TDRD7: variants seen among roughly 807,000 people sequenced by gnomAD.
The protein encoded by TDRD7 is tudor domain containing 7.
In TDRD7, 47 loss-of-function variants were observed where a neutral mutation model predicts 109.8. The observed-to-expected ratio is 0.43, with a 90% CI of 0.34 to 0.55. The LOEUF is 0.55. TDRD7 is among the 20% of genes least tolerant of loss of function. The pLI is 0.03. For synonymous variants in TDRD7, 424 were observed against 457.3 expected (o/e 0.93, Z 0.93); for missense variants, 1,164 against 1,319.2 (o/e 0.88, Z 1.82).
Position 97,428,521 on chromosome 9 carries a change from A to G in TDRD7, c.56A>G (p.Lys19Arg). 6.2e-7 allele frequency: 1 copy of G among 1,614,072 alleles called. No homozygotes were observed. ...KMLRAVLQSH[K>R]NGVALPRLQG... is the part of the protein sequence containing the mutation. ...CTACGAGCTGTTCTGCAGTCTCATA[A>G]GAATGGAGTAGCATTACCCCGGCTC... The change falls in exon 2 of 17, where the codon AAG (lysine) becomes AGG (arginine). Residue 19 changes from lysine (K) to arginine (R), a missense_variant. Physicochemically the swap from Lys to Arg is conservative, Grantham distance 26. This residue lies in a region of TDRD7 where 101 missense variants were observed against 148.5 expected (regional missense o/e 0.68). Coordinates refer to ENST00000355295, the MANE Select transcript of TDRD7 (RefSeq NM_014290.3).
intron 8 of TDRD7, among the ~76,000 whole-genome samples, chr9:97,465,839 C>T (rs1004454154): frequency 1.3e-5 from 2 of 151,852 alleles, no homozygotes; most frequent in African/African-American, 4.8e-5. Flanking sequence ...TTTTCTTTCT[C>T]GATTGTTAAG....
rs146350172 is a variant in TDRD7 at position 97,431,895 on chromosome 9, A to G, written c.350-130A>G. On this transcript the variant is annotated intron_variant, in intron 3 of 16. Coordinates refer to ENST00000355295, the MANE Select transcript of TDRD7 (RefSeq NM_014290.3). ...CCTGTTGACCAGCCCTCCAGTGGCA[A>G]CCTCCTCGTGTTCTTACAAACTGTT... 1,901 of 857,292 alleles carry G rather than the reference A, an allele frequency of 2.2e-3. 27 individuals carry two copies. The African/African-American group carries it at 0.027, about 12-fold the overall frequency. The allele number at this position is 857,292 out of a possible 1,614,324, so 53.1% of individuals were successfully genotyped here.
chr9:97,439,456 C>T, intron 5 of TDRD7, 138 bp downstream of exon 5: 1 of 732,006 alleles, frequency 1.4e-6, no homozygotes, highest in Non-Finnish European at 2.3e-6. Flanking sequence ...AATTGCTTTG[C>T]ATCATGAATC....
At chr9:97,454,923 A>G (rs1828577778) in intron 6 of TDRD7, among the ~76,000 whole-genome samples, 1 of 152,192 alleles carries the variant, frequency 6.6e-6, no homozygotes, top group African/African-American at 2.4e-5. Flanking sequence ...TTAACGAAAT[A>G]GACCTCTAGC....
Position 97,495,891 on chromosome 9 carries a change from C to T in TDRD7, c.*8C>T, listed in dbSNP as rs747612321. 3 of 1,608,794 alleles carry T rather than the reference C, an allele frequency of 1.9e-6. No individual in the cohort carries two copies. Among genetic ancestry groups the T allele is most frequent in the Admixed American group, 1.7e-5 (1 of 59,996 alleles). ...CTTTCAAAAGTTAATTAATGACTGC[C>T]TCTGAAACCTTGACAACTAATTCAG... is the stretch of plus-strand genomic sequence containing the variant. On this transcript the variant is annotated 3_prime_UTR_variant, in exon 17 of 17. Coordinates refer to ENST00000355295, the MANE Select transcript of TDRD7 (RefSeq NM_014290.3).
chr9:97,457,548 T>G (rs1040085391), intron 6 of TDRD7, among the ~76,000 whole-genome samples: 3 of 152,046 alleles, frequency 2.0e-5, no homozygotes, highest in Non-Finnish European at 4.4e-5. Context: ...CCAGCTAATA[T>G]TTTGCATTTT....
Position 97,475,386 on chromosome 9 carries a change from A to T in TDRD7, c.2083A>T (p.Met695Leu). Reference protein sequence around the residue: ...KIEDYFHCKHMTSECFVSLPF... With the variant: ...KIEDYFHCKHLTSECFVSLPF... ...ATCATGCATTTCTGTTTTGCAGCAC[A>T]TGACCTCTGAGTGCTTTGTTTCATT... The change falls in exon 12 of 17, where the codon ATG becomes TTG. Residue 695 changes from methionine (M) to leucine (L), a missense_variant. Transcript: ENST00000355295. The T allele has an allele frequency of 1.2e-6, 2 of 1,612,648 alleles. No homozygotes were observed. The highest frequency in any genetic ancestry group is 1.7e-6 in the Non-Finnish European group (2 of 1,178,804).
chr9:97,490,551 G>C (rs1364170692), intron 16 of TDRD7, among the ~76,000 whole-genome samples: 3 of 135,886 alleles, frequency 2.2e-5, no homozygotes, highest in South Asian at 2.6e-4. Flanking sequence ...TATTTTGGTG[G>C]GGGGGGGGGC....
At chr9:97,431,897 C>G in intron 3 of TDRD7, 128 bp from the exon 4 acceptor site, 3 of 872,414 alleles carry the variant, frequency 3.4e-6, no homozygotes, top group Non-Finnish European at 5.8e-6. Context: ...CAGTGGCAAC[C>G]TCCTCGTGTT....
rs780561949 is a variant in TDRD7 at position 97,431,022 on chromosome 9, T to C, written c.297T>C (p.Arg99=). The stretch of plus-strand genomic sequence containing the variant: ...GGAGTTCTAAAAGGAAAACCGGGCG[T>C]CAAGTTAATTGTCAGATGAGAGTGA... ...RQRSSKRKTG[R]QVNCQMRVKK... The change falls in exon 3 of 17, where the codon CGT becomes CGC. Residue 99 remains arginine (R), a synonymous_variant. Coordinates refer to ENST00000355295, the MANE Select transcript of TDRD7 (RefSeq NM_014290.3). The C allele has an allele frequency of 3.7e-6, 6 of 1,613,922 alleles. No homozygotes were observed. In the East Asian group the frequency reaches 1.3e-4, roughly 36 times the overall value.
chr9:97,428,529 G>A lies in TDRD7; in HGVS notation c.64G>A (p.Val22Ile), dbSNP rs771450131. 6.8e-6 allele frequency: 11 copies of A among 1,614,072 alleles called. No homozygotes were observed. The highest frequency in any genetic ancestry group is 1.7e-5 in the Admixed American group (1 of 60,000). ...TGTTCTGCAGTCTCATAAGAATGGAGTAGCATTACCCCGGCTCCAAGGAGA... is the reference window on the plus strand; with the variant it reads ...TGTTCTGCAGTCTCATAAGAATGGAATAGCATTACCCCGGCTCCAAGGAGA... ...RAVLQSHKNG[V>I]ALPRLQGEYR... The change falls in exon 2 of 17, where the codon GTA becomes ATA. Residue 22 changes from valine (V) to isoleucine (I), a missense_variant. Coordinates refer to ENST00000355295, the MANE Select transcript of TDRD7 (RefSeq NM_014290.3).
intron 16 of TDRD7, among the ~76,000 whole-genome samples, chr9:97,488,560 G>GTTTTTTTTTTTTTTTTTTTTTTTTTTTT (rs61689126): frequency 7.1e-6 from 1 of 140,592 alleles, no homozygotes. Flanking sequence ...AGATTTAATG[G>GTTTTTTTTTTTTTTTTTTTTTTTTTTTT]TTTTTTTTTT....
chr9:97,440,829 C>T (rs924704625), intron 5 of TDRD7, among the ~76,000 whole-genome samples: 2 of 152,100 alleles, frequency 1.3e-5, no homozygotes, highest in Non-Finnish European at 1.5e-5. Flanking sequence ...AGTGAAATTT[C>T]GTAGAGATTT....
chr9:97,474,234 A>G (rs1828972523), intron 11 of TDRD7, among the ~76,000 whole-genome samples: 1 of 152,068 alleles, frequency 6.6e-6, no homozygotes, highest in South Asian at 2.1e-4. Flanking sequence ...AGTTCCTAAA[A>G]TGGTTTCCTT....
At chr9:97,467,512 C>T (rs1828840584) in intron 8 of TDRD7, among the ~76,000 whole-genome samples, 1 of 152,220 alleles carries the variant, frequency 6.6e-6, no homozygotes, top group African/African-American at 2.4e-5. Context: ...ACCTGATACA[C>T]TTTTTCACTT....
intron 1 of TDRD7, among the ~76,000 whole-genome samples, chr9:97,423,679 T>C (rs1240331154): frequency 1.3e-5 from 2 of 152,272 alleles, no homozygotes; most frequent in East Asian, 1.9e-4. Context: ...TCTAATACTT[T>C]TACCGCATCC....
rs539155003 is a variant in TDRD7, at chr9:97,478,442, A to G, written c.2170A>G (p.Thr724Ala). The change falls in exon 13 of 17, where the codon ACA becomes GCA. Residue 724 changes from threonine to alanine, a missense_variant. Thr to Ala is a moderately conservative substitution (Grantham distance 58, BLOSUM62 0). Around this residue, in one of 5 missense-constraint regions of TDRD7, gnomAD observed 261 missense variants for 336.2 expected, o/e 0.78. Coordinates refer to ENST00000355295, the MANE Select transcript of TDRD7 (RefSeq NM_014290.3). Reference sequence around the variant, plus strand: ...GCCAACACTTATCTCATTTCAGATCACAAATGTTCACAGCAGCCGGGCTCT... The same window carrying G: ...GCCAACACTTATCTCATTTCAGATCGCAAATGTTCACAGCAGCCGGGCTCT... ...CKGKWLRVEI[T>A]NVHSSRALDV... 1 of 1,614,004 alleles carries G rather than the reference A, an allele frequency of 6.2e-7. No individual in the cohort carries two copies. Among genetic ancestry groups the G allele is most frequent in the African/African-American group, 1.3e-5 (1 of 75,006 alleles).
Position 97,460,513 on chromosome 9 carries a change from C to G in TDRD7, c.1191C>G (p.Pro397=), listed in dbSNP as rs758877384. 3 of 1,614,188 alleles carry G rather than the reference C, an allele frequency of 1.9e-6. No individual in the cohort carries two copies. Among genetic ancestry groups the G allele is most frequent in the Non-Finnish European group, 2.5e-6 (3 of 1,180,032 alleles). Residue 397 remains proline, a synonymous_variant, in exon 7 of 17, where the codon CCC becomes CCG. Transcript: ENST00000355295. The part of the protein sequence containing the change: ...VCSIDYISGN[P]QKAILYAKLP... The stretch of plus-strand genomic sequence containing the variant: ...GCATAGACTACATTTCTGGAAATCC[C>G]CAGAAGGCCATTCTCTATGCTAAAC...
intron 1 of TDRD7, among the ~76,000 whole-genome samples, chr9:97,421,002 G>T (rs1159083433): frequency 1.3e-5 from 2 of 152,072 alleles, no homozygotes; most frequent in African/African-American, 4.8e-5. Flanking sequence ...GGGCGAGGTG[G>T]TGTGTGCCTG....
Sources: gnomAD v4.1 joint callset for allele counts (sites outside exome capture counted in the v4.1 genomes callset) on GRCh38, gnomAD v4.1.1 for gene constraint, gnomAD v4.1.1 regional missense constraint, MANE v1.5 for transcripts, NCBI Gene and HGNC (gene_info 2026-07-23, HGNC 2026-07-21) for gene names.